The following CTNND2 variants were observed in gnomAD, a reference collection of about 807,000 sequenced individuals.
CTNND2 encodes catenin delta-2.
CTNND2 carries 22 observed loss-of-function variants against 144.4 expected under a neutral mutation model. That is an observed-to-expected ratio of 0.15 (90% CI 0.11 to 0.22). The LOEUF (loss-of-function observed/expected upper bound fraction) is 0.22. Among genes scored for constraint, CTNND2 ranks in the 10% least tolerant of loss-of-function variants. CTNND2 has a pLI of 1.00. For missense variants in CTNND2, 1,353 were observed against 1,618.8 expected (o/e 0.84, Z 2.82); for synonymous variants, 751 against 695.6 (o/e 1.08, Z -1.25).
intron 3 of CTNND2, among the ~76,000 whole-genome samples, chr5:11,436,614 G>A (rs1408928074): frequency 6.6e-6 from 1 of 152,152 alleles, no homozygotes; most frequent in Non-Finnish European, 1.5e-5. Context: ...GGTTTTGACT[G>A]ATTCAAAAAG....
intron 1 of CTNND2, among the ~76,000 whole-genome samples, chr5:11,811,498 C>T (rs1792331115): frequency 1.3e-5 from 2 of 152,104 alleles, no homozygotes; most frequent in South Asian, 4.1e-4. Context: ...TATAAATTCT[C>T]TTGGATAAGG....
intron 16 of CTNND2, among the ~76,000 whole-genome samples, chr5:11,075,656 T>A (rs903318935): frequency 6.6e-6 from 1 of 152,246 alleles, no homozygotes; most frequent in African/African-American, 2.4e-5. Context: ...GGGCAGCCAG[T>A]GGAGGGGCTC....
chr5:11,372,644 C>A (rs1464620695), intron 7 of CTNND2, among the ~76,000 whole-genome samples: 1 of 151,208 alleles, frequency 6.6e-6, no homozygotes, highest in African/African-American at 2.4e-5. Context: ...GGTTTCCTAT[C>A]TCACAGGAAG....
intron 12 of CTNND2, among the ~76,000 whole-genome samples, chr5:11,147,013 G>A (rs964739346): frequency 6.6e-6 from 1 of 152,218 alleles, no homozygotes; most frequent in African/African-American, 2.4e-5. Flanking sequence ...TTATTAGGCA[G>A]CTGGCACAGC....
intron 2 of CTNND2, among the ~76,000 whole-genome samples, chr5:11,659,477 A>C (rs1783074623): frequency 6.6e-6 from 1 of 152,192 alleles, no homozygotes; most frequent in Non-Finnish European, 1.5e-5. Flanking sequence ...TGAAGGCATC[A>C]TTCTCTTGTC....
At position 11,305,273 on chromosome 5, in the gene CTNND2, C is replaced by T. The variant is rs73055784; in HGVS notation, c.1628+41099G>A. On this transcript the variant is annotated intron_variant, in intron 9 of 21. Coordinates refer to ENST00000304623, the MANE Select transcript of CTNND2 (RefSeq NM_001332.4). ...AGCATTTAAGTGGATTCCCCAGGATCGCCCCACTGTCAGGAGCAGAGTCAG... is the reference window on the plus strand; with the variant it reads ...AGCATTTAAGTGGATTCCCCAGGATTGCCCCACTGTCAGGAGCAGAGTCAG... Among the ~76,000 whole-genome samples the T allele has an allele frequency of 3.3e-3, 498 of 152,290 alleles. 3 individuals carry two copies. Among genetic ancestry groups the T allele is most frequent in the African/African-American group, 0.011 (477 of 41,558 alleles).
At chr5:11,728,774 T>C (rs1340689523) in intron 2 of CTNND2, among the ~76,000 whole-genome samples, 7 of 152,164 alleles carry the variant, frequency 4.6e-5, no homozygotes, top group African/African-American at 1.4e-4. Flanking sequence ...ATATATTGAC[T>C]AAAGAGTTTC....
At chr5:11,884,915 A>G (rs1211543134) in intron 1 of CTNND2, among the ~76,000 whole-genome samples, 1 of 146,086 alleles carries the variant, frequency 6.8e-6, no homozygotes, top group Non-Finnish European at 1.6e-5. Context: ...CTATTGAGAT[A>G]ATCATATAGT....
chr5:11,768,205 T>C (rs1789706315), intron 1 of CTNND2, among the ~76,000 whole-genome samples: 1 of 152,228 alleles, frequency 6.6e-6, no homozygotes, highest in African/African-American at 2.4e-5. Flanking sequence ...TAGGGCTGTA[T>C]TATACTAAGT....
intron 2 of CTNND2, among the ~76,000 whole-genome samples, chr5:11,641,745 CGT>C (rs140598993): frequency 0.033 from 4,497 of 134,668 alleles, 166 homozygotes; most frequent in Non-Finnish European, 0.047. Flanking sequence ...TATACATATA[CGT>C]GTGTATGTAC....
intron 2 of CTNND2, among the ~76,000 whole-genome samples, chr5:11,627,673 G>T (rs913539604): frequency 1.7e-4 from 26 of 151,852 alleles, no homozygotes; most frequent in Non-Finnish European, 3.4e-4. Context: ...CAGTTTCATG[G>T]AAGACAATTT....
At chr5:11,424,564 A>G (rs1274105962) in intron 3 of CTNND2, among the ~76,000 whole-genome samples, 1 of 152,048 alleles carries the variant, frequency 6.6e-6, no homozygotes, top group East Asian at 1.9e-4. Flanking sequence ...CTACTTAAGC[A>G]AGATAAGACT....
chr5:11,079,018 T>C (rs1749251255), intron 16 of CTNND2, among the ~76,000 whole-genome samples: 1 of 152,214 alleles, frequency 6.6e-6, no homozygotes, highest in African/African-American at 2.4e-5. Context: ...GCTGCAAATA[T>C]TATGGTTTTT....
intron 1 of CTNND2, among the ~76,000 whole-genome samples, chr5:11,774,664 T>C (rs1224555169): frequency 1.3e-5 from 2 of 152,144 alleles, no homozygotes; most frequent in African/African-American, 2.4e-5. Flanking sequence ...GGAAGTAGTA[T>C]GTATCTCAGT....
chr5:11,719,889 T>C (rs184288945), intron 2 of CTNND2, among the ~76,000 whole-genome samples: 14 of 150,086 alleles, frequency 9.3e-5, no homozygotes, highest in Admixed American at 9.3e-4. Context: ...ACAGATCCTT[T>C]CCAACTTTTT....
chr5:11,842,952 T>C (rs762681060), intron 1 of CTNND2, among the ~76,000 whole-genome samples: 23 of 152,174 alleles, frequency 1.5e-4, no homozygotes, highest in Non-Finnish European at 2.5e-4. Context: ...CAGCAGTTTT[T>C]TTCAAACATG....
chr5:11,218,221 G>T (rs1283631096), intron 10 of CTNND2, among the ~76,000 whole-genome samples: 1 of 152,066 alleles, frequency 6.6e-6, no homozygotes, highest in African/African-American at 2.4e-5. Context: ...GGTAGCATCA[G>T]GGAAATATTT....
Position 10,972,220 on chromosome 5 carries a change from A to G in CTNND2, c.*1233T>C, listed in dbSNP as rs1025993741. On this transcript the variant is annotated 3_prime_UTR_variant, in exon 22 of 22. Transcript: ENST00000304623. The stretch of plus-strand genomic sequence containing the variant: ...GGACCTGTAGAGAGGGTTGATATCC[A>G]AGTATGCGTGAATGTGTGAAAATCC... 5.9e-5 allele frequency: 9 copies of G among 152,652 alleles called. No individual in the cohort carries two copies. Among genetic ancestry groups the G allele is most frequent in the Non-Finnish European group, 1.3e-4 (9 of 68,044 alleles). 9.5% of individuals were successfully genotyped at this position (152,652 alleles called of 1,614,324 possible). A position where few individuals can be genotyped will look rare whatever the true frequency, so the allele number is the denominator to read the frequency against.
chr5:11,262,529 G>A (rs896664166), intron 9 of CTNND2, among the ~76,000 whole-genome samples: 15 of 152,012 alleles, frequency 9.9e-5, no homozygotes, highest in Non-Finnish European at 1.5e-4. Context: ...TTGGGAGGCC[G>A]AGGCGGGTGG....
Sources: allele counts gnomAD v4.1 joint callset (sites outside exome capture counted in the v4.1 genomes callset), GRCh38; gene constraint gnomAD v4.1.1; transcripts MANE v1.5; gene names NCBI Gene and HGNC (gene_info 2026-07-23, HGNC 2026-07-21).